The following CSMD1 variants were observed in gnomAD, a reference collection of about 807,000 sequenced individuals.
CSMD1 encodes CUB and Sushi multiple domains 1.
Under a neutral mutation model 417.5 loss-of-function variants are expected in CSMD1, and 213 were observed. The ratio of observed to expected loss-of-function variants is 0.51; its 90% CI spans 0.46 to 0.57. The LOEUF (loss-of-function observed/expected upper bound fraction) is 0.57. CSMD1 is among the 20% of genes least tolerant of loss of function. CSMD1 has a pLI of 0.00. For synonymous variants in CSMD1, 2,862 were observed against 1,736.8 expected (o/e 1.65, Z -16.11); for missense variants, 6,923 against 4,529.7 (o/e 1.53, Z -15.17).
At chr8:4,650,350 A>G (rs1342880866) in intron 1 of CSMD1, among the ~76,000 whole-genome samples, 3 of 70,562 alleles carry the variant, frequency 4.3e-5, no homozygotes, top group Non-Finnish European at 9.6e-5. Context: ...GTCTCAAGAA[A>G]AAAAAAAAAA....
intron 12 of CSMD1, among the ~76,000 whole-genome samples, chr8:3,414,096 G>A (rs971597815): frequency 6.1e-5 from 9 of 147,240 alleles, no homozygotes; most frequent in African/African-American, 7.6e-5. Flanking sequence ...CCAAGATCGC[G>A]ACACTGCAGT....
chr8:4,064,313 C>G (rs1585235410), intron 3 of CSMD1, among the ~76,000 whole-genome samples: 1 of 152,158 alleles, frequency 6.6e-6, no homozygotes, highest in African/African-American at 2.4e-5. Context: ...TTCCTGGGCT[C>G]CATATGGTGT....
At position 3,920,359 on chromosome 8, in the gene CSMD1, T is replaced by TGTGTG. The variant is rs56406995; in HGVS notation, c.818+77543_818+77544insCACAC. Among the ~76,000 whole-genome samples, 460 of 150,402 alleles carry TGTGTG rather than the reference T, an allele frequency of 3.1e-3. 3 individuals are homozygous for TGTGTG. The highest frequency in any genetic ancestry group is 8.4e-3 in the African/African-American group (346 of 41,170). On this transcript the variant is annotated intron_variant, in intron 5 of 69. Transcript: ENST00000635120. ...CTATTTTTCTAAGATGCGTGTGTGT[T>TGTGTG]TGTGTGTGTGTGTGTTTATGTGTGT...
intron 2 of CSMD1, among the ~76,000 whole-genome samples, chr8:4,617,562 G>T (rs773669471): frequency 1.3e-5 from 2 of 152,044 alleles, no homozygotes; most frequent in East Asian, 1.9e-4. Context: ...TCATGGTGGC[G>T]CTCTCCTTAT....
chr8:3,192,947 A>C (rs1317499028), intron 33 of CSMD1, among the ~76,000 whole-genome samples: 5 of 152,142 alleles, frequency 3.3e-5, no homozygotes, highest in East Asian at 1.9e-4. Context: ...GAAAAAAAAA[A>C]AGATATCCCA....
chr8:4,904,736 A>AGT (rs1357813594), intron 1 of CSMD1, among the ~76,000 whole-genome samples: 1 of 152,232 alleles, frequency 6.6e-6, no homozygotes, highest in Non-Finnish European at 1.5e-5. Context: ...TCTTAAAGCA[A>AGT]AATTAAAAAA....
chr8:3,538,710 C>A (rs1012258234), intron 10 of CSMD1, among the ~76,000 whole-genome samples: 4 of 152,220 alleles, frequency 2.6e-5, no homozygotes, highest in African/African-American at 4.8e-5. Context: ...CTTTGATTGC[C>A]CCTTTTCCGT....
intron 1 of CSMD1, among the ~76,000 whole-genome samples, chr8:4,785,934 C>T (rs1017589908): frequency 1.3e-5 from 2 of 152,102 alleles, no homozygotes; most frequent in African/African-American, 4.8e-5. Flanking sequence ...CTCAGTCATG[C>T]CCCTGAATTA....
chr8:3,776,991 T>C (rs1021476732), intron 5 of CSMD1, among the ~76,000 whole-genome samples: 4 of 151,854 alleles, frequency 2.6e-5, no homozygotes, highest in Non-Finnish European at 5.9e-5. Context: ...TGGGATTACA[T>C]GCATGACCCC....
At chr8:4,583,730 C>G (rs921706557) in intron 2 of CSMD1, among the ~76,000 whole-genome samples, 1 of 152,024 alleles carries the variant, frequency 6.6e-6, no homozygotes, top group Non-Finnish European at 1.5e-5. Context: ...CAGTCAGCAC[C>G]CTGTCAAAAC....
At chr8:4,416,383 T>G (rs1796940033) in intron 3 of CSMD1, among the ~76,000 whole-genome samples, 1 of 152,224 alleles carries the variant, frequency 6.6e-6, no homozygotes, top group Non-Finnish European at 1.5e-5. Flanking sequence ...TTTAAAAATA[T>G]AACCAATATT....
At chr8:3,978,348 G>C (rs926251140) in intron 5 of CSMD1, among the ~76,000 whole-genome samples, 3 of 152,070 alleles carry the variant, frequency 2.0e-5, no homozygotes, top group East Asian at 1.9e-4. Context: ...TTTTTGGTAA[G>C]CACATATAAT....
Position 4,174,200 on chromosome 8 carries a change from G to A in CSMD1, c.416-142101C>T, listed in dbSNP as rs1453269567. Among the ~76,000 whole-genome samples, 5 of 152,188 alleles carry A rather than the reference G, an allele frequency of 3.3e-5. No individual in the cohort carries two copies. The East Asian group carries it at 9.7e-4, about 29-fold the overall frequency. On this transcript the variant is annotated intron_variant, in intron 3 of 69. Transcript: ENST00000635120. ...GTTAAACTACTGAGGAAAACCCAGAGCCTCAGCAGCTATGTGAGGACACCG... is the reference window on the plus strand; with the variant it reads ...GTTAAACTACTGAGGAAAACCCAGAACCTCAGCAGCTATGTGAGGACACCG...
At chr8:3,813,680 C>G (rs931562365) in intron 5 of CSMD1, among the ~76,000 whole-genome samples, 3 of 152,104 alleles carry the variant, frequency 2.0e-5, no homozygotes, top group Non-Finnish European at 4.4e-5. Flanking sequence ...CTTAAAAGCC[C>G]TGTACTTTCC....
chr8:4,884,747 C>G (rs1308659598), intron 1 of CSMD1, among the ~76,000 whole-genome samples: 1 of 152,044 alleles, frequency 6.6e-6, no homozygotes, highest in African/African-American at 2.4e-5. Flanking sequence ...CCTTAAGTCA[C>G]TGCAACTCTG....
intron 50 of CSMD1, among the ~76,000 whole-genome samples, chr8:3,042,517 G>C (rs566270130): frequency 1.3e-5 from 2 of 149,408 alleles, no homozygotes; most frequent in East Asian, 1.9e-4. Flanking sequence ...ACCTGCTTAC[G>C]GGAATCCCGT....
At chr8:4,108,060 AC>A (rs1563133534) in intron 3 of CSMD1, among the ~76,000 whole-genome samples, 10 of 151,486 alleles carry the variant, frequency 6.6e-5, no homozygotes, top group South Asian at 4.2e-4. Context: ...AGAGACAGAG[AC>A]AGAGACAGAG....
At chr8:3,474,820 T>A (rs543913096) in intron 11 of CSMD1, among the ~76,000 whole-genome samples, 2 of 152,320 alleles carry the variant, frequency 1.3e-5, no homozygotes, top group African/African-American at 4.8e-5. Flanking sequence ...TTTCCCCAAG[T>A]TGACTCTATA....
At chr8:3,927,037 T>G (rs530392353) in intron 5 of CSMD1, among the ~76,000 whole-genome samples, 2 of 152,048 alleles carry the variant, frequency 1.3e-5, no homozygotes, top group African/African-American at 4.8e-5. Flanking sequence ...TAAAAGTACT[T>G]TTTGTGCTTT....
Sources: gnomAD v4.1 joint callset for allele counts (sites outside exome capture counted in the v4.1 genomes callset) on GRCh38, gnomAD v4.1.1 for gene constraint, MANE v1.5 for transcripts, NCBI Gene and HGNC (gene_info 2026-07-23, HGNC 2026-07-21) for gene names.